Variants in PARD3 observed in about 807,000 individuals in gnomAD.
The protein encoded by PARD3 is partitioning defective 3 homolog.
PARD3 carries 75 observed loss-of-function variants against 155.4 expected under a neutral mutation model. That is an observed-to-expected ratio of 0.48 (90% CI 0.40 to 0.58). The LOEUF is 0.58. Among genes scored for constraint, PARD3 ranks in the 20% least tolerant of loss-of-function variants. The pLI, the probability that PARD3 is intolerant of heterozygous loss-of-function variation, is 0.00. For missense variants in PARD3, 1,642 were observed against 1,721.7 expected (o/e 0.95, Z 0.82); for synonymous variants, 576 against 610.5 (o/e 0.94, Z 0.83).
chr10:34,326,695 C>T (rs1835067351), intron 19 of PARD3, among the ~76,000 whole-genome samples: 1 of 152,164 alleles, frequency 6.6e-6, no homozygotes, highest in African/African-American at 2.4e-5. Context: ...CAAAATTCCC[C>T]TAGAAGCTCT....
At chr10:34,509,836 T>C (rs1373778446) in intron 3 of PARD3, among the ~76,000 whole-genome samples, 3 of 152,036 alleles carry the variant, frequency 2.0e-5, no homozygotes, top group Non-Finnish European at 2.9e-5. Context: ...AATCTTACAA[T>C]TGATGTACAA....
chr10:34,692,847 T>C (rs1255434098), intron 2 of PARD3, among the ~76,000 whole-genome samples: 1 of 152,154 alleles, frequency 6.6e-6, no homozygotes, highest in Non-Finnish European at 1.5e-5. Flanking sequence ...TCACTCCAGC[T>C]TGGACAAAAG....
Position 34,138,475 on chromosome 10 carries a change from C to T in PARD3, c.3420-6892G>A, listed in dbSNP as rs534174789. Among the ~76,000 whole-genome samples, 9 of 152,286 alleles carry T rather than the reference C, an allele frequency of 5.9e-5. No homozygotes were observed. The South Asian group carries it at 1.9e-3, about 32-fold the overall frequency. On this transcript the variant is annotated intron_variant, in intron 22 of 24. Transcript: ENST00000374788. ...AAGAATGTGAGTGCTTTCCTGGAGC[C>T]TGGTGAAAATATACCTGCCAACCAG...
intron 20 of PARD3, 97 bp downstream of exon 20, chr10:34,317,010 C>T: frequency 8.8e-7 from 1 of 1,130,374 alleles, no homozygotes. Context: ...GCTGGGATTA[C>T]AGGTGTGCAC....
intron 2 of PARD3, among the ~76,000 whole-genome samples, chr10:34,591,588 G>A (rs1392921200): frequency 6.6e-6 from 1 of 152,112 alleles, no homozygotes; most frequent in Non-Finnish European, 1.5e-5. Flanking sequence ...GTCGATCAGG[G>A]GAGACTTTTC....
chr10:34,324,126 C>T lies in PARD3; in HGVS notation c.2834-6788G>A, dbSNP rs988440237. ...AAGAGATTTCAGGCCACTGCTCAGA[C>T]TCTTTTGAGTGAAACACAAAAATTA... On this transcript the variant is annotated intron_variant, in intron 19 of 24. Coordinates refer to ENST00000374788, the MANE Select transcript of PARD3 (RefSeq NM_001184785.2). 5.9e-5 allele frequency among the ~76,000 whole-genome samples: 9 copies of T among 152,186 alleles called. No homozygotes were observed. In the South Asian group the frequency reaches 8.3e-4, roughly 14 times the overall value.
At chr10:34,377,666 C>T (rs927961749) in intron 10 of PARD3, among the ~76,000 whole-genome samples, 2 of 152,048 alleles carry the variant, frequency 1.3e-5, no homozygotes, top group African/African-American at 4.8e-5. Context: ...GGCACGATGG[C>T]TCACACCTGT....
chr10:34,492,526 C>T (rs752536215), intron 3 of PARD3, among the ~76,000 whole-genome samples: 3 of 152,170 alleles, frequency 2.0e-5, no homozygotes, highest in Non-Finnish European at 4.4e-5. Flanking sequence ...AAAATAAATA[C>T]TATATTCTAA....
intron 1 of PARD3, among the ~76,000 whole-genome samples, chr10:34,755,227 C>T (rs1366047268): frequency 6.6e-6 from 1 of 150,988 alleles, no homozygotes; most frequent in Admixed American, 6.6e-5. Context: ...CATGGTGAAA[C>T]CCCGTCTCTA....
chr10:34,255,952 T>C (rs1348106), intron 22 of PARD3, among the ~76,000 whole-genome samples: 82,118 of 151,986 alleles, frequency 0.54, 22,542 homozygotes, highest in Middle Eastern at 0.66. Flanking sequence ...TAACTACTTT[T>C]TATTCCAATG....
intron 1 of PARD3, among the ~76,000 whole-genome samples, chr10:34,775,067 G>A (rs1839369278): frequency 6.6e-6 from 1 of 152,140 alleles, no homozygotes; most frequent in South Asian, 2.1e-4. Flanking sequence ...GAGCAAAAGT[G>A]GGCATTTTTT....
chr10:34,137,819 G>C (rs1947983215), intron 22 of PARD3, among the ~76,000 whole-genome samples: 1 of 152,142 alleles, frequency 6.6e-6, no homozygotes, highest in South Asian at 2.1e-4. Context: ...CCTCTCTGTA[G>C]ATGTCTGAGC....
intron 22 of PARD3, among the ~76,000 whole-genome samples, chr10:34,173,153 A>T (rs1949879714): frequency 6.6e-6 from 1 of 152,178 alleles, no homozygotes; most frequent in Non-Finnish European, 1.5e-5. Flanking sequence ...CTACATCTGA[A>T]TCTCTGTGCG....
intron 22 of PARD3, among the ~76,000 whole-genome samples, chr10:34,262,570 C>T (rs1189956067): frequency 3.3e-5 from 5 of 152,144 alleles, no homozygotes. Context: ...CTAGCCTTTA[C>T]AGTTCTTAAG....
intron 1 of PARD3, among the ~76,000 whole-genome samples, chr10:34,727,023 A>T (rs1414484678): frequency 6.6e-6 from 1 of 152,148 alleles, no homozygotes; most frequent in East Asian, 1.9e-4. Flanking sequence ...AACCTGTAAA[A>T]TAAAGGGGAA....
intron 22 of PARD3, among the ~76,000 whole-genome samples, chr10:34,147,336 A>G (rs1170459734): frequency 6.6e-6 from 1 of 152,158 alleles, no homozygotes; most frequent in African/African-American, 2.4e-5. Flanking sequence ...ATTGTTGCTT[A>G]ATACATGATT....
At chr10:34,473,532 A>T (rs2078501149) in intron 3 of PARD3, among the ~76,000 whole-genome samples, 1 of 42,112 alleles carries the variant, frequency 2.4e-5, no homozygotes, top group African/African-American at 8.1e-4. Flanking sequence ...ACAAAAAATA[A>T]AAAAAAAAAA....
intron 5 of PARD3, among the ~76,000 whole-genome samples, chr10:34,417,902 A>C (rs1845825162): frequency 6.6e-6 from 1 of 152,192 alleles, no homozygotes; most frequent in Admixed American, 6.5e-5. Flanking sequence ...AGAAAGTAGC[A>C]AGACAAGTCT....
intron 22 of PARD3, among the ~76,000 whole-genome samples, chr10:34,262,270 T>C (rs973624635): frequency 6.6e-6 from 1 of 151,958 alleles, no homozygotes; most frequent in Non-Finnish European, 1.5e-5. Flanking sequence ...TTTTTTTAAA[T>C]GTTTTTATTT....
Sources: allele counts gnomAD v4.1 joint callset (sites outside exome capture counted in the v4.1 genomes callset), GRCh38; gene constraint gnomAD v4.1.1; transcripts MANE v1.5; gene names NCBI Gene and HGNC (gene_info 2026-07-23, HGNC 2026-07-21).